Variants in PITPNC1 observed in about 807,000 individuals in gnomAD.
PITPNC1 encodes the protein cytoplasmic phosphatidylinositol transfer protein 1.
A neutral mutation model predicts 44.7 loss-of-function variants in PITPNC1; 18 were observed. That is an observed-to-expected ratio of 0.40 (90% CI 0.28 to 0.60). The LOEUF is 0.60. PITPNC1 is among the 20% of genes least tolerant of loss of function. The pLI is 0.39. For missense variants in PITPNC1, 290 were observed against 418.4 expected, an observed-to-expected ratio of 0.69 and a Z score of 2.68; for synonymous variants, 141 against 149.6, an observed-to-expected ratio of 0.94 and a Z score of 0.42.
chr17:67,483,872 G>A (rs550367380), intron 1 of PITPNC1, among the ~76,000 whole-genome samples: 2 of 151,470 alleles, frequency 1.3e-5, no homozygotes, highest in Admixed American at 6.6e-5. Flanking sequence ...ACTGTTGGTT[G>A]TCATGCAATA....
In PITPNC1 at chr17:67,415,490, G is replaced by A. The variant is rs117640396; in HGVS notation, c.48+37288G>A. On this transcript the variant is annotated intron_variant, in intron 1 of 8. Coordinates refer to ENST00000581322, the MANE Select transcript of PITPNC1 (RefSeq NM_012417.4). Reference sequence around the variant, plus strand: ...CATTTAAAGTCCGCCTGGACTGACTGTTCAGCCTCATCCTCTGCCCTTCCC... The same window carrying A: ...CATTTAAAGTCCGCCTGGACTGACTATTCAGCCTCATCCTCTGCCCTTCCC... 7.5e-4 allele frequency among the ~76,000 whole-genome samples: 114 copies of A among 152,318 alleles called. 2 individuals are homozygous for A. In the East Asian group the frequency reaches 0.019, roughly 26 times the overall value.
chr17:67,536,640 G>T (rs2040534933), intron 2 of PITPNC1, among the ~76,000 whole-genome samples: 1 of 152,094 alleles, frequency 6.6e-6, no homozygotes, highest in East Asian at 1.9e-4. Flanking sequence ...TCCACAGAGG[G>T]CCTGGGAACA....
At chr17:67,537,767 T>C (rs1354394569) in intron 2 of PITPNC1, among the ~76,000 whole-genome samples, 1 of 151,860 alleles carries the variant, frequency 6.6e-6, no homozygotes, top group Non-Finnish European at 1.5e-5. Flanking sequence ...GTCAGGAGAT[T>C]GAGACCATCC....
chr17:67,499,649 G>A (rs900037730), intron 1 of PITPNC1, among the ~76,000 whole-genome samples: 6 of 152,210 alleles, frequency 3.9e-5, no homozygotes, highest in Non-Finnish European at 5.9e-5. Context: ...AGGAAAGATC[G>A]CATATATGAT....
chr17:67,598,462 C>T (rs953080885), intron 5 of PITPNC1, among the ~76,000 whole-genome samples: 1 of 152,180 alleles, frequency 6.6e-6, no homozygotes, highest in African/African-American at 2.4e-5. Flanking sequence ...AAATCCTAAT[C>T]ACCGCAAGGT....
At chr17:67,424,690 T>C (rs546558026) in intron 1 of PITPNC1, among the ~76,000 whole-genome samples, 1 of 151,810 alleles carries the variant, frequency 6.6e-6, no homozygotes, top group Non-Finnish European at 1.5e-5. Context: ...TATACAAAAC[T>C]GAGCTGAGGA....
chr17:67,495,037 GT>G (rs2039925221), intron 1 of PITPNC1, among the ~76,000 whole-genome samples: 1 of 79,376 alleles, frequency 1.3e-5, no homozygotes, highest in Non-Finnish European at 2.4e-5. Context: ...GAGCCATGGA[GT>G]TGTTTTTTTT....
Position 67,597,335 on chromosome 17 carries a change from C to T in PITPNC1, c.366+19078C>T, listed in dbSNP as rs1458896879. On this transcript the variant is annotated intron_variant, in intron 5 of 8. Transcript: ENST00000581322. This position sits in a 1 kb window ranked among gnomAD's most constrained non-coding sequence, Gnocchi z 4.0. Reference sequence around the variant, plus strand: ...TTGGGAGGCCAAAGTGGGTATCTTACTTGAAGTCAGGAATTCGAGACCAGC... The same window carrying T: ...TTGGGAGGCCAAAGTGGGTATCTTATTTGAAGTCAGGAATTCGAGACCAGC... 1.3e-5 allele frequency among the ~76,000 whole-genome samples: 2 copies of T among 152,140 alleles called. No individual in the cohort carries two copies. Among genetic ancestry groups the T allele is most frequent in the Non-Finnish European group, 2.9e-5 (2 of 68,026 alleles).
chr17:67,461,573 A>G (rs1441492003), intron 1 of PITPNC1, among the ~76,000 whole-genome samples: 1 of 152,230 alleles, frequency 6.6e-6, no homozygotes, highest in African/African-American at 2.4e-5. Context: ...CTGGTGAATC[A>G]GAATCAGTGT....
chr17:67,580,363 T>A (rs2041212933), intron 5 of PITPNC1, among the ~76,000 whole-genome samples: 1 of 152,162 alleles, frequency 6.6e-6, no homozygotes, highest in Non-Finnish European at 1.5e-5. Flanking sequence ...TTTTTCTTTA[T>A]AAGACAGGGT....
At chr17:67,681,679 TAGA>T (rs1394822278) in intron 8 of PITPNC1, among the ~76,000 whole-genome samples, 9 of 140,822 alleles carry the variant, frequency 6.4e-5, no homozygotes, top group African/African-American at 2.1e-4. Context: ...AAGTAAATCA[TAGA>T]AGAAGAAATA....
chr17:67,552,438 G>A, intron 3 of PITPNC1, 93 bp downstream of exon 3: 1 of 770,174 alleles, frequency 1.3e-6, no homozygotes, highest in South Asian at 1.4e-5. Flanking sequence ...TATCCAAGCA[G>A]GGCCTTGTGG....
At chr17:67,408,082 G>T (rs1176190861) in intron 1 of PITPNC1, among the ~76,000 whole-genome samples, 2 of 151,750 alleles carry the variant, frequency 1.3e-5, no homozygotes, top group Non-Finnish European at 2.9e-5. Context: ...CAGCCTCCCA[G>T]CAGCTGGGAT....
intron 5 of PITPNC1, among the ~76,000 whole-genome samples, chr17:67,596,269 T>C (rs2041458270): frequency 6.6e-6 from 1 of 152,200 alleles, no homozygotes; most frequent in Non-Finnish European, 1.5e-5. Context: ...CCAGCTATAT[T>C]TGCTTGGAAC....
At chr17:67,562,813 G>A (rs1301598668) in intron 4 of PITPNC1, among the ~76,000 whole-genome samples, 2 of 152,130 alleles carry the variant, frequency 1.3e-5, no homozygotes, top group Admixed American at 1.3e-4. Context: ...GATCTTCTGT[G>A]CACAAAACAG....
chr17:67,408,025 G>A (rs1411233451), intron 1 of PITPNC1, among the ~76,000 whole-genome samples: 11 of 151,770 alleles, frequency 7.2e-5, no homozygotes, highest in African/African-American at 1.7e-4. Flanking sequence ...GGGCAATCTC[G>A]ATTGAACGCA....
chr17:67,506,597 T>C (rs1422187967), intron 1 of PITPNC1, among the ~76,000 whole-genome samples: 3 of 152,210 alleles, frequency 2.0e-5, no homozygotes, highest in Admixed American at 6.5e-5. Context: ...CCTATTTTTA[T>C]TTTATTATAC....
At chr17:67,633,608 A>G (rs537950133) in intron 6 of PITPNC1, among the ~76,000 whole-genome samples, 2 of 152,338 alleles carry the variant, frequency 1.3e-5, no homozygotes, top group African/African-American at 4.8e-5. Flanking sequence ...TATGCATTTT[A>G]AGATAAAGAA....
In PITPNC1 at chr17:67,552,137, TGGA is replaced by T. The variant is rs2040773740; in HGVS notation, c.198-118_198-116del. On this transcript the variant is annotated intron_variant, in intron 2 of 8. Coordinates refer to ENST00000581322, the MANE Select transcript of PITPNC1 (RefSeq NM_012417.4). ...CGAAGAGATGGGGAAAGGGCAGCTG[TGGA>T]GAAAAGAGATGCCCCAGAATCCCCC... 4.5e-6 allele frequency: 3 copies of T among 673,698 alleles called. No homozygotes were observed. In the South Asian group the frequency reaches 4.9e-5, roughly 11 times the overall value. The allele number at this position is 673,698 out of a possible 1,614,324, so 41.7% of individuals were successfully genotyped here. A position where few individuals can be genotyped will look rare whatever the true frequency, so the allele number is the denominator to read the frequency against.
Sources: gnomAD v4.1 joint callset for allele counts (sites outside exome capture counted in the v4.1 genomes callset) on GRCh38, gnomAD v4.1.1 for gene constraint, Gnocchi (gnomAD v3.1) non-coding constraint, MANE v1.5 for transcripts, NCBI Gene and HGNC (gene_info 2026-07-23, HGNC 2026-07-21) for gene names.